Variants in RAI14 observed in about 807,000 individuals in gnomAD.
The protein encoded by RAI14 is retinoic acid induced 14.
RAI14 carries 45 observed loss-of-function variants against 115.4 expected under a neutral mutation model. The observed-to-expected ratio is 0.39, with a 90% CI of 0.31 to 0.50. The LOEUF (loss-of-function observed/expected upper bound fraction) is 0.50, where lower values mean the gene tolerates loss of function less well. Among genes scored for constraint, RAI14 ranks in the 20% least tolerant of loss-of-function variants. The pLI is 0.85. For missense variants in RAI14, 939 were observed against 1,131.2 expected (o/e 0.83, Z 2.44); for synonymous variants, 371 against 415.4 (o/e 0.89, Z 1.30).
chr5:34,797,111 G>T (rs909472729), intron 4 of RAI14, among the ~76,000 whole-genome samples: 1 of 152,158 alleles, frequency 6.6e-6, no homozygotes. Flanking sequence ...AAAGACCAAA[G>T]CAACCACTGA....
intron 4 of RAI14, among the ~76,000 whole-genome samples, chr5:34,799,424 C>A (rs1415952257): frequency 6.6e-6 from 1 of 151,398 alleles, no homozygotes; most frequent in East Asian, 2.0e-4. Flanking sequence ...CCAGTGAGAA[C>A]TGGTACAAAG....
intron 5 of RAI14, among the ~76,000 whole-genome samples, chr5:34,806,309 A>G (rs1355892895): frequency 2.0e-5 from 3 of 152,190 alleles, no homozygotes; most frequent in Non-Finnish European, 4.4e-5. Context: ...TTTGTATGTC[A>G]TGATGGGCTT....
intron 2 of RAI14, among the ~76,000 whole-genome samples, chr5:34,712,717 T>A (rs986960561): frequency 3.9e-5 from 6 of 152,160 alleles, no homozygotes; most frequent in Non-Finnish European, 5.9e-5. Flanking sequence ...TTAACAGGTG[T>A]CATAAGCAAG....
chr5:34,704,597 T>C (rs1260995859), intron 2 of RAI14, among the ~76,000 whole-genome samples: 2 of 152,224 alleles, frequency 1.3e-5, no homozygotes, highest in Non-Finnish European at 2.9e-5. Flanking sequence ...TTAAATAAGA[T>C]AGAAATGCAA....
intron 3 of RAI14, among the ~76,000 whole-genome samples, chr5:34,778,719 C>G (rs11959599): frequency 0.027 from 4,053 of 148,242 alleles, 193 homozygotes; most frequent in African/African-American, 0.095. Context: ...CTGGGCAACA[C>G]AGTGAGACCC....
At chr5:34,665,497 T>C (rs1345183563) in intron 1 of RAI14, among the ~76,000 whole-genome samples, 2 of 150,364 alleles carry the variant, frequency 1.3e-5, no homozygotes, top group South Asian at 4.2e-4. Context: ...TTTTTTCTTT[T>C]TTTTTTTTTT....
At chr5:34,746,293 G>C (rs1487126018) in intron 2 of RAI14, among the ~76,000 whole-genome samples, 1 of 151,462 alleles carries the variant, frequency 6.6e-6, no homozygotes, top group Non-Finnish European at 1.5e-5. Flanking sequence ...TTTTAGTAGA[G>C]ACGGGGTTTC....
At chr5:34,664,560 A>G (rs1230033630) in intron 1 of RAI14, among the ~76,000 whole-genome samples, 2 of 151,992 alleles carry the variant, frequency 1.3e-5, no homozygotes, top group African/African-American at 4.8e-5. Context: ...AGGTATTGTT[A>G]TCGATAAGAT....
At chr5:34,692,188 A>AG (rs1336245525) in intron 2 of RAI14, among the ~76,000 whole-genome samples, 1 of 152,086 alleles carries the variant, frequency 6.6e-6, no homozygotes, top group African/African-American at 2.4e-5. Flanking sequence ...GCTTGAACCC[A>AG]GGGGGTGGAG....
intron 3 of RAI14, among the ~76,000 whole-genome samples, chr5:34,778,729 C>G (rs145633981): frequency 6.7e-6 from 1 of 149,878 alleles, no homozygotes. Flanking sequence ...CAGTGAGACC[C>G]CGTTTCTGTG....
At chr5:34,778,507 T>C (rs1163824584) in intron 3 of RAI14, among the ~76,000 whole-genome samples, 1 of 152,190 alleles carries the variant, frequency 6.6e-6, no homozygotes, top group African/African-American at 2.4e-5. Flanking sequence ...ATCTGGTTAG[T>C]ACCTGCTATC....
intron 2 of RAI14, among the ~76,000 whole-genome samples, chr5:34,723,553 C>G (rs1007524970): frequency 2.6e-5 from 4 of 152,190 alleles, no homozygotes; most frequent in African/African-American, 7.2e-5. Context: ...ACAGCAATAT[C>G]TAGACTGGTG....
intron 1 of RAI14, among the ~76,000 whole-genome samples, chr5:34,663,448 C>T (rs537693448): frequency 1.1e-4 from 16 of 152,144 alleles, no homozygotes; most frequent in Non-Finnish European, 1.5e-4. Context: ...CCCATGAGAT[C>T]GAGGGTTGCA....
chr5:34,728,054 T>A (rs1391302031), intron 2 of RAI14, among the ~76,000 whole-genome samples: 1 of 152,154 alleles, frequency 6.6e-6, no homozygotes, highest in Admixed American at 6.5e-5. Flanking sequence ...GTGAGACTTG[T>A]AGTCACAAGG....
intron 3 of RAI14, among the ~76,000 whole-genome samples, chr5:34,766,506 C>T (rs1487151570): frequency 6.6e-6 from 1 of 152,156 alleles, no homozygotes; most frequent in Non-Finnish European, 1.5e-5. Flanking sequence ...GGCCCTGTAA[C>T]CACTTTGTTT....
intron 2 of RAI14, among the ~76,000 whole-genome samples, chr5:34,689,491 T>C (rs1370982033): frequency 6.6e-6 from 1 of 152,154 alleles, no homozygotes; most frequent in African/African-American, 2.4e-5. Context: ...TGGACAAGTC[T>C]CTTACTCTTC....
chr5:34,814,782 C>T (rs931716887), intron 12 of RAI14, 113 bp downstream of exon 12: 12 of 855,908 alleles, frequency 1.4e-5, no homozygotes, highest in East Asian at 2.7e-5. Context: ...CATTGGTTCA[C>T]AACCTTTTCA....
chr5:34,816,889 T>TAA (rs10685736), intron 12 of RAI14, among the ~76,000 whole-genome samples: 89,211 of 151,530 alleles, frequency 0.59, 26,492 homozygotes, highest in Admixed American at 0.65. Flanking sequence ...AGGTAGAGTA[T>TAA]AAGACTGTCA....
chr5:34,773,739 A>C (rs1750484450), intron 3 of RAI14, among the ~76,000 whole-genome samples: 1 of 152,232 alleles, frequency 6.6e-6, no homozygotes, highest in South Asian at 2.1e-4. Context: ...GACTATTATT[A>C]CAAAGGAAAA....
Sources: allele counts gnomAD v4.1 joint callset (sites outside exome capture counted in the v4.1 genomes callset), GRCh38; gene constraint gnomAD v4.1.1; transcripts MANE v1.5; gene names NCBI Gene and HGNC (gene_info 2026-07-23, HGNC 2026-07-21).